TTC19: variants seen among roughly 807,000 people sequenced by gnomAD.
The protein encoded by TTC19 is tetratricopeptide repeat protein 19, mitochondrial.
Under a neutral mutation model 49.5 loss-of-function variants are expected in TTC19, and 38 were observed. The observed-to-expected ratio is 0.77, with a 90% CI of 0.59 to 1.01. The LOEUF (loss-of-function observed/expected upper bound fraction) is 1.01. Ranked by LOEUF, TTC19 falls within the 50% of genes least tolerant of loss-of-function variation. The pLI is 0.00. For synonymous variants in TTC19, 204 were observed against 185.2 expected (o/e 1.10, Z -0.83); for missense variants, 475 against 477.7 (o/e 0.99, Z 0.05).
At chr17:16,013,495 T>G (rs1971134903) in intron 7 of TTC19, among the ~76,000 whole-genome samples, 1 of 152,220 alleles carries the variant, frequency 6.6e-6, no homozygotes, top group African/African-American at 2.4e-5. Context: ...TTTTCTATTT[T>G]TTTCCTTTTA....
intron 2 of TTC19, among the ~76,000 whole-genome samples, chr17:16,041,557 G>GC (rs377594813): frequency 1.3e-5 from 2 of 150,780 alleles, no homozygotes; most frequent in Non-Finnish European, 3.0e-5. Context: ...GGGATTATAG[G>GC]CCCCCCGCCA....
At chr17:16,032,272 C>G (rs759612146), downstream of TTC19, 13 of 1,584,988 alleles carry the variant, frequency 8.2e-6, no homozygotes, top group Non-Finnish European at 1.0e-5. Context: ...TCTCCTGCAC[C>G]CTGTTCCCCT....
chr17:16,022,878 TGAA>T (rs1971428455), intron 7 of TTC19, among the ~76,000 whole-genome samples: 1 of 152,226 alleles, frequency 6.6e-6, no homozygotes, highest in Admixed American at 6.5e-5. Context: ...CATTTATGTT[TGAA>T]GAAGTAAATA....
At chr17:16,024,148 T>C (rs1971469475) in intron 7 of TTC19, 1 of 152,222 alleles carries the variant, frequency 6.6e-6, no homozygotes, top group African/African-American at 2.4e-5. Context: ...CCAATTCTTC[T>C]TACATGGCAT....
Position 16,006,566 on chromosome 17 carries a change from C to G in TTC19, c.674C>G (p.Ser225Ter), listed in dbSNP as rs762483393. 25 of 1,598,126 alleles carry G rather than the reference C, an allele frequency of 1.6e-5. No individual in the cohort carries two copies. The highest frequency in any genetic ancestry group is 2.1e-5 in the Non-Finnish European group (25 of 1,165,400). Residue 225 changes from serine (S) to a stop codon, truncating the protein, a stop_gained and splice_region_variant, in exon 7 of 10, where the codon TCA (serine) becomes TGA (stop). Transcript: ENST00000261647. LOFTEE classifies it high-confidence loss of function. ...AAGGAATTAGCAGAAGACATTATGT[C>G]AGGTAGGAAACCCATTATCTGGGCA... ...REKELAEDIM[S>*]VEEKANTHLL...
At chr17:16,014,947 G>A (rs942157788) in intron 7 of TTC19, among the ~76,000 whole-genome samples, 5 of 152,126 alleles carry the variant, frequency 3.3e-5, no homozygotes, top group African/African-American at 9.7e-5. Flanking sequence ...TATCTAGAGC[G>A]GACCAGGCTT....
chr17:16,006,327 T>A lies in TTC19; in HGVS notation c.582-147T>A, dbSNP rs1315894661. ...CGAGAGGCTAAGGCAGGAGAATCGCTTGAACCCCGGAGGTGGAGGTTGCTC... is the reference window on the plus strand; with the variant it reads ...CGAGAGGCTAAGGCAGGAGAATCGCATGAACCCCGGAGGTGGAGGTTGCTC... On this transcript the variant is annotated intron_variant, in intron 6 of 9. Transcript: ENST00000261647. The A allele has an allele frequency of 1.3e-5, 9 of 668,766 alleles. No individual in the cohort carries two copies. The East Asian group carries it at 1.9e-4, about 14-fold the overall frequency. The allele number at this position is 668,766 out of a possible 1,614,324, so 41.4% of individuals were successfully genotyped here.
Position 16,028,912 on chromosome 17 carries a change from T to A in TTC19, c.*1390T>A, listed in dbSNP as rs1187374302. 2 of 413,902 alleles carry A rather than the reference T, an allele frequency of 4.8e-6. No homozygotes were observed. Among genetic ancestry groups the A allele is most frequent in the African/African-American group, 4.5e-5 (2 of 44,838 alleles). The allele number at this position is 413,902 out of a possible 1,614,324, so 25.6% of individuals were successfully genotyped here. On this transcript the variant is annotated 3_prime_UTR_variant, in exon 10 of 10. Coordinates refer to ENST00000261647, the MANE Select transcript of TTC19 (RefSeq NM_017775.4). The stretch of plus-strand genomic sequence containing the variant: ...AAATCCTCAGGGATTAGACTAAAAC[T>A]AGAGTTTTGTATGTTGCAGATGTAA...
intron 7 of TTC19, among the ~76,000 whole-genome samples, chr17:16,017,996 A>T (rs996738279): frequency 7.9e-5 from 12 of 152,072 alleles, no homozygotes; most frequent in African/African-American, 1.4e-4. Context: ...AGGAAAAAAA[A>T]TTTTTTTCAG....
chr17:16,018,255 T>G, intron 7 of TTC19, among the ~76,000 whole-genome samples: 1 of 151,862 alleles, frequency 6.6e-6, no homozygotes, highest in Non-Finnish European at 1.5e-5. Context: ...GCTTAGTCCC[T>G]GGTGAACCTT....
downstream of TTC19, among the ~76,000 whole-genome samples, chr17:16,033,423 C>T (rs890431353): frequency 7.2e-5 from 11 of 152,034 alleles, no homozygotes; most frequent in African/African-American, 2.7e-4. Flanking sequence ...TTAATTCTTC[C>T]CTAAGAGATC....
intron 7 of TTC19, among the ~76,000 whole-genome samples, chr17:16,017,027 T>C (rs1229172038): frequency 6.6e-6 from 1 of 152,238 alleles, no homozygotes; most frequent in African/African-American, 2.4e-5. Flanking sequence ...TCTTTATACA[T>C]GTTTCTGTGC....
intron 7 of TTC19, among the ~76,000 whole-genome samples, chr17:16,008,887 ACTTTT>A (rs1970988114): frequency 6.6e-6 from 1 of 151,434 alleles, no homozygotes; most frequent in African/African-American, 2.4e-5. Flanking sequence ...TCTTTCCTTT[ACTTTT>A]CTTCATCACA....
At chr17:16,021,847 A>C (rs1017697939) in intron 7 of TTC19, among the ~76,000 whole-genome samples, 4 of 152,198 alleles carry the variant, frequency 2.6e-5, no homozygotes, top group Non-Finnish European at 5.9e-5. Flanking sequence ...CATCTTCAGC[A>C]AGGTTTTAGC....
chr17:16,009,479 T>C (rs1199490878), intron 7 of TTC19, among the ~76,000 whole-genome samples: 1 of 150,962 alleles, frequency 6.6e-6, no homozygotes, highest in Admixed American at 6.6e-5. Flanking sequence ...TTTAACAATT[T>C]AGTAACATAT....
chr17:16,038,659 A>T (rs540691902), intron 2 of TTC19, among the ~76,000 whole-genome samples: 1 of 151,922 alleles, frequency 6.6e-6, no homozygotes, highest in Non-Finnish European at 1.5e-5. Context: ...GCTGGTCTCA[A>T]ACTCCTGAGC....
intron 9 of TTC19, chr17:16,027,044 G>GT (rs1971583677): frequency 2.0e-6 from 1 of 507,214 alleles, no homozygotes; most frequent in Non-Finnish European, 3.6e-6. Flanking sequence ...ATGACAGGAA[G>GT]TATCATTTTG....
In TTC19 at chr17:16,028,846, A is replaced by AAAAAAAAAAAAAATT; in HGVS notation, c.*1324_*1325insAAAAAAAAAAAAATT. 2.8e-6 allele frequency: 1 copy of AAAAAAAAAAAAAATT among 354,032 alleles called. No individual in the cohort carries two copies. The allele number at this position is 354,032 out of a possible 1,614,324, so 21.9% of individuals were successfully genotyped here. A position where few individuals can be genotyped will look rare whatever the true frequency, so the allele number is the denominator to read the frequency against. On this transcript the variant is annotated 3_prime_UTR_variant, in exon 10 of 10. Coordinates refer to ENST00000261647, the MANE Select transcript of TTC19 (RefSeq NM_017775.4). ...AAAAAAAAAAAAAAAAAAAAAAAAA[A>AAAAAAAAAAAAAATT]CTTTCTGAAGAAAATAAAAACACCA...
chr17:16,005,280 C>G (rs1970867342), intron 6 of TTC19, among the ~76,000 whole-genome samples: 1 of 152,190 alleles, frequency 6.6e-6, no homozygotes, highest in African/African-American at 2.4e-5. Context: ...GTTTGTAGAC[C>G]TCTTGCTCCG....
Sources: allele counts gnomAD v4.1 joint callset (sites outside exome capture counted in the v4.1 genomes callset), GRCh38; gene constraint gnomAD v4.1.1; transcripts MANE v1.5; gene names NCBI Gene and HGNC (gene_info 2026-07-23, HGNC 2026-07-21).